The following RPH3A variants were observed in gnomAD, a reference collection of about 807,000 sequenced individuals.
The protein encoded by RPH3A is rabphilin-3A.
In RPH3A, 48 loss-of-function variants were observed where a neutral mutation model predicts 102.2. That is an observed-to-expected ratio of 0.47 (90% CI 0.37 to 0.60). RPH3A has a LOEUF of 0.60. Ranked by LOEUF, RPH3A falls within the 20% of genes least tolerant of loss-of-function variation. RPH3A has a pLI of 0.00. For synonymous variants in RPH3A, 310 were observed against 324.3 expected, an observed-to-expected ratio of 0.96 and a Z score of 0.47; for missense variants, 781 against 910.1, an observed-to-expected ratio of 0.86 and a Z score of 1.83.
chr12:112,702,993 C>T (rs1235661624), intron 1 of RPH3A, among the ~76,000 whole-genome samples: 1 of 152,172 alleles, frequency 6.6e-6, no homozygotes, highest in African/African-American at 2.4e-5. Context: ...GGCCACATGA[C>T]TTGCTCTAGC....
intron 1 of RPH3A, among the ~76,000 whole-genome samples, chr12:112,648,753 A>AG (rs201234357): frequency 0.5 from 71,048 of 141,694 alleles, 18,813 homozygotes; most frequent in East Asian, 0.67. Context: ...TCAAAAAAAA[A>AG]AAAAAAAAAA....
intron 1 of RPH3A, among the ~76,000 whole-genome samples, chr12:112,733,090 C>T (rs370770449): frequency 3.4e-4 from 52 of 152,216 alleles, no homozygotes; most frequent in African/African-American, 1.2e-3. Context: ...ACTCATGTGT[C>T]TCATGTTTGA....
At chr12:112,747,198 A>G (rs2040754320) in intron 1 of RPH3A, among the ~76,000 whole-genome samples, 1 of 152,204 alleles carries the variant, frequency 6.6e-6, no homozygotes, top group East Asian at 1.9e-4. Flanking sequence ...TCTAACCTTC[A>G]AGGTTATGGT....
At chr12:112,826,204 C>T (rs769582492) in intron 2 of RPH3A, among the ~76,000 whole-genome samples, 1 of 152,150 alleles carries the variant, frequency 6.6e-6, no homozygotes, top group Non-Finnish European at 1.5e-5. Flanking sequence ...GCCAGACAGG[C>T]ATCTGCAAGA....
intron 4 of RPH3A, among the ~76,000 whole-genome samples, chr12:112,842,930 C>T (rs563247243): frequency 6.6e-6 from 1 of 152,338 alleles, no homozygotes; most frequent in South Asian, 2.1e-4. Flanking sequence ...CCAGCACATA[C>T]TGCCAAGAAG....
At chr12:112,617,284 T>C (rs2039687729) in intron 1 of RPH3A, among the ~76,000 whole-genome samples, 1 of 152,142 alleles carries the variant, frequency 6.6e-6, no homozygotes, top group African/African-American at 2.4e-5. Context: ...GACTTGCAAA[T>C]CCACGCTGCT....
intron 1 of RPH3A, among the ~76,000 whole-genome samples, chr12:112,674,535 G>A (rs751305831): frequency 2.3e-4 from 35 of 152,096 alleles, no homozygotes; most frequent in Admixed American, 3.3e-4. Context: ...GAGTGGAGGC[G>A]GTTTGGGCTC....
rs1383537795 is a variant in RPH3A, at chr12:112,678,295, AAGAAAGAAAGAG to A, written c.-140+102980_-140+102991del. Among the ~76,000 whole-genome samples the A allele has an allele frequency of 2.3e-4, 8 of 34,818 alleles. 1 individual carries two copies. Among genetic ancestry groups the A allele is most frequent in the East Asian group, 1.0e-3 (1 of 976 alleles). 22.8% of individuals were successfully genotyped at this position (34,818 alleles called of 152,430 possible). Reference sequence around the variant, plus strand: ...AAAGAAAGAAAGAAAGAAAGAAAGAAAGAAAGAAAGAGAGAGAGAGAGAAAGAAAGAAAGAAG... The same window carrying A: ...AAAGAAAGAAAGAAAGAAAGAAAGAAAGAGAGAGAGAAAGAAAGAAAGAAG... On this transcript the variant is annotated intron_variant, in intron 1 of 21. Coordinates refer to the RPH3A transcript ENST00000543106.
intron 1 of RPH3A, among the ~76,000 whole-genome samples, chr12:112,709,148 C>T (rs1434013404): frequency 2.0e-5 from 3 of 152,188 alleles, no homozygotes; most frequent in African/African-American, 4.8e-5. Context: ...TAAAAACAGA[C>T]CTGCTAGAAC....
At chr12:112,812,180 T>C (rs2041589645) in intron 2 of RPH3A, among the ~76,000 whole-genome samples, 2 of 152,276 alleles carry the variant, frequency 1.3e-5, no homozygotes, top group African/African-American at 4.8e-5. Context: ...GGGAATATGC[T>C]GACTGGTGAG....
chr12:112,888,589 A>G (rs1220177798), intron 17 of RPH3A, among the ~76,000 whole-genome samples: 1 of 152,238 alleles, frequency 6.6e-6, no homozygotes, highest in Non-Finnish European at 1.5e-5. Context: ...CAGATGTCTC[A>G]TCTGTAAAAT....
chr12:112,586,407 C>G (rs1464490054), intron 1 of RPH3A, among the ~76,000 whole-genome samples: 1 of 152,024 alleles, frequency 6.6e-6, no homozygotes, highest in Non-Finnish European at 1.5e-5. Context: ...AGGGGGATGT[C>G]AGGCCATCTG....
rs572557744 is a variant in RPH3A at position 112,896,816 on chromosome 12, C to G, written c.*36C>G. The G allele has an allele frequency of 1.2e-6, 2 of 1,605,902 alleles. No individual in the cohort carries two copies. The highest frequency in any genetic ancestry group is 1.3e-5 in the African/African-American group (1 of 74,758). ...AGGTCCCCATCTCCATGTCCCGGGT[C>G]CCCCCCAGCCTGCTCTAGCTGCCCA... On this transcript the variant is annotated 3_prime_UTR_variant, in exon 22 of 22. Coordinates refer to ENST00000389385, the MANE Select transcript of RPH3A (RefSeq NM_001143854.2).
At chr12:112,793,480 C>T (rs1444335123) in intron 2 of RPH3A, among the ~76,000 whole-genome samples, 1 of 152,150 alleles carries the variant, frequency 6.6e-6, no homozygotes, top group African/African-American at 2.4e-5. Context: ...TTCTCTAGCC[C>T]CATAGCTAAG....
intron 3 of RPH3A, among the ~76,000 whole-genome samples, chr12:112,831,493 C>G (rs1301380465): frequency 6.6e-6 from 1 of 152,070 alleles, no homozygotes; most frequent in Non-Finnish European, 1.5e-5. Flanking sequence ...TACGACTCTT[C>G]TCTAGTATCT....
chr12:112,674,399 C>T (rs1388922714), intron 1 of RPH3A, among the ~76,000 whole-genome samples: 3 of 152,132 alleles, frequency 2.0e-5, no homozygotes, highest in Admixed American at 1.3e-4. Flanking sequence ...GCTTCGTGTG[C>T]CACCCTCACC....
chr12:112,896,916 C>T lies in RPH3A; in HGVS notation c.*136C>T. On this transcript the variant is annotated 3_prime_UTR_variant, in exon 22 of 22. Transcript: ENST00000389385. ...GATCTCCCTGAGCCTGCCTTTGAGCCCCCGTCACGTTGGGCACTGCTGCCA... is the reference window on the plus strand; with the variant it reads ...GATCTCCCTGAGCCTGCCTTTGAGCTCCCGTCACGTTGGGCACTGCTGCCA... 4 of 932,432 alleles carry T rather than the reference C, an allele frequency of 4.3e-6. No individual in the cohort carries two copies. Among genetic ancestry groups the T allele is most frequent in the Non-Finnish European group, 6.4e-6 (4 of 627,990 alleles). The allele number at this position is 932,432 out of a possible 1,614,324, so 57.8% of individuals were successfully genotyped here. A position where few individuals can be genotyped will look rare whatever the true frequency, so the allele number is the denominator to read the frequency against.
intron 1 of RPH3A, among the ~76,000 whole-genome samples, chr12:112,588,522 CA>C (rs2039454439): frequency 2.0e-5 from 3 of 152,222 alleles, no homozygotes; most frequent in Non-Finnish European, 4.4e-5. Flanking sequence ...GGGTCCCTCC[CA>C]CGACATGTGG....
chr12:112,881,322 G>A (rs182228249), intron 14 of RPH3A, among the ~76,000 whole-genome samples: 4 of 152,318 alleles, frequency 2.6e-5, no homozygotes, highest in South Asian at 2.1e-4. Flanking sequence ...AGGGGTCAGG[G>A]CCAGAATGCA....
Sources: gnomAD v4.1 joint callset for allele counts (sites outside exome capture counted in the v4.1 genomes callset) on GRCh38, gnomAD v4.1.1 for gene constraint, MANE v1.5 for transcripts, NCBI Gene and HGNC (gene_info 2026-07-23, HGNC 2026-07-21) for gene names.